DLGAP1: variants seen among roughly 807,000 people sequenced by gnomAD.
DLGAP1 encodes DLG associated protein 1, also known as disks large-associated protein 1.
DLGAP1 carries 11 observed loss-of-function variants against 90.8 expected under a neutral mutation model. The observed-to-expected ratio is 0.12, with a 90% CI of 0.08 to 0.20. The LOEUF is 0.20. DLGAP1 is among the 10% of genes least tolerant of loss of function. DLGAP1 has a pLI of 1.00. For missense variants in DLGAP1, 1,050 were observed against 1,333.8 expected (o/e 0.79, Z 3.31); for synonymous variants, 558 against 540.7 (o/e 1.03, Z -0.44).
chr18:3,992,562 C>T (rs1231558848), intron 3 of DLGAP1, among the ~76,000 whole-genome samples: 1 of 152,114 alleles, frequency 6.6e-6, no homozygotes, highest in Non-Finnish European at 1.5e-5. Flanking sequence ...ACTGTGGTCT[C>T]AGCTAACTGG....
chr18:4,223,096 GAAAAT>G (rs961607431), intron 1 of DLGAP1, among the ~76,000 whole-genome samples: 2 of 151,844 alleles, frequency 1.3e-5, no homozygotes, highest in African/African-American at 4.8e-5. Context: ...GTCTCTCTAA[GAAAAT>G]AAAATAAAAT....
intron 7 of DLGAP1, among the ~76,000 whole-genome samples, chr18:3,586,115 G>C (rs922279337): frequency 1.6e-4 from 25 of 152,164 alleles, no homozygotes; most frequent in African/African-American, 6.0e-4. Context: ...CATCTACCAT[G>C]GTTAGACTGG....
At chr18:3,740,757 C>A (rs559877817) in intron 6 of DLGAP1, among the ~76,000 whole-genome samples, 25 of 150,778 alleles carry the variant, frequency 1.7e-4, no homozygotes, top group African/African-American at 5.8e-4. Context: ...ACCACCACCA[C>A]TGTCACCATC....
rs1186426563 is a variant in DLGAP1, at chr18:3,720,888, C to CAAAAAAAAAAAAA, written c.1591+8234_1591+8246dup. Among the ~76,000 whole-genome samples the CAAAAAAAAAAAAA allele has an allele frequency of 2.5e-3, 126 of 50,296 alleles. 9 individuals are homozygous for CAAAAAAAAAAAAA. The highest frequency in any genetic ancestry group is 5.0e-3 in the African/African-American group (62 of 12,490). The allele number at this position is 50,296 out of a possible 152,430, so 33.0% of individuals were successfully genotyped here. On this transcript the variant is annotated intron_variant, in intron 7 of 12. Transcript: ENST00000315677. ...GCAACATACTAAGACCTTGTCTCTACAAAAAAAAAAAAAAAAAAAAATTAG... is the reference window on the plus strand; with the variant it reads ...GCAACATACTAAGACCTTGTCTCTACAAAAAAAAAAAAAAAAAAAAAAAAAAAAAAAAAATTAG...
chr18:3,912,351 T>C (rs187364875), intron 3 of DLGAP1, among the ~76,000 whole-genome samples: 6 of 152,260 alleles, frequency 3.9e-5, no homozygotes, highest in Admixed American at 3.9e-4. Flanking sequence ...CTCTTTTCTT[T>C]TAGGGTCTCA....
chr18:3,847,851 A>T lies in DLGAP1; in HGVS notation c.957+31261T>A, dbSNP rs148248896. On this transcript the variant is annotated intron_variant, in intron 4 of 12. Coordinates refer to ENST00000315677, the MANE Select transcript of DLGAP1 (RefSeq NM_004746.4). ...AGCCCAGAATGAAATGAGGTTTGTG[A>T]ATTTTAAAAAGAGACAAGGGCCAGG... is the stretch of plus-strand genomic sequence containing the variant. 4.4e-3 allele frequency among the ~76,000 whole-genome samples: 671 copies of T among 152,250 alleles called. 9 individuals are homozygous for T. The highest frequency in any genetic ancestry group is 0.014 in the African/African-American group (591 of 41,528).
At chr18:3,753,146 G>C (rs942481507) in intron 5 of DLGAP1, among the ~76,000 whole-genome samples, 3 of 152,148 alleles carry the variant, frequency 2.0e-5, no homozygotes, top group Non-Finnish European at 2.9e-5. Flanking sequence ...AACCATTCCT[G>C]AACTAAGTAA....
chr18:3,816,990 A>C (rs2067139243), intron 4 of DLGAP1, among the ~76,000 whole-genome samples: 1 of 152,366 alleles, frequency 6.6e-6, no homozygotes, highest in African/African-American at 2.4e-5. Context: ...ATTTCTCAGG[A>C]AATTATAAAT....
intron 1 of DLGAP1, among the ~76,000 whole-genome samples, chr18:4,239,548 T>C (rs971022427): frequency 1.3e-5 from 2 of 152,176 alleles, no homozygotes; most frequent in Non-Finnish European, 2.9e-5. Flanking sequence ...TTTTTTCGTA[T>C]GGAAGTGGTA....
chr18:4,109,697 C>A (rs1006295658), intron 2 of DLGAP1, among the ~76,000 whole-genome samples: 3 of 152,112 alleles, frequency 2.0e-5, no homozygotes, highest in African/African-American at 7.2e-5. Context: ...AGGACTCCAG[C>A]CTATACCAAG....
At position 3,670,108 on chromosome 18, in the gene DLGAP1, A is replaced by C. The variant is rs921967439; in HGVS notation, c.1591+59027T>G. On this transcript the variant is annotated intron_variant, in intron 7 of 12. Transcript: ENST00000315677. ...GTATATTGTTTTACAACAAAACAAA[A>C]CAAAACAAACCCCTAAAAATTGTAT... Among the ~76,000 whole-genome samples the C allele has an allele frequency of 7.9e-5, 12 of 152,216 alleles. 1 individual carries two copies. The highest frequency in any genetic ancestry group is 7.9e-4 in the Admixed American group (12 of 15,286).
intron 12 of DLGAP1, among the ~76,000 whole-genome samples, chr18:3,501,424 A>G (rs1598949342): frequency 6.6e-6 from 1 of 152,344 alleles, no homozygotes; most frequent in East Asian, 1.9e-4. Context: ...GTACATCAAC[A>G]GTACTTTCCA....
At chr18:4,053,094 A>G (rs890354271) in intron 2 of DLGAP1, among the ~76,000 whole-genome samples, 2 of 152,082 alleles carry the variant, frequency 1.3e-5, no homozygotes, top group South Asian at 4.1e-4. Flanking sequence ...TCGCTTCCAC[A>G]TTTTCAAGTA....
chr18:4,100,375 A>G (rs1336781702), intron 2 of DLGAP1, among the ~76,000 whole-genome samples: 1 of 152,222 alleles, frequency 6.6e-6, no homozygotes, highest in Non-Finnish European at 1.5e-5. Flanking sequence ...TCTTCTGAGC[A>G]GTAGGTCTCA....
intron 4 of DLGAP1, among the ~76,000 whole-genome samples, chr18:3,822,981 A>G (rs1303175947): frequency 6.6e-6 from 1 of 152,324 alleles, no homozygotes; most frequent in East Asian, 1.9e-4. Context: ...CAAGATATTA[A>G]GATTCTAGTA....
intron 3 of DLGAP1, among the ~76,000 whole-genome samples, chr18:3,997,682 C>T (rs764513675): frequency 1.1e-4 from 17 of 151,396 alleles, no homozygotes; most frequent in Non-Finnish European, 2.5e-4. Context: ...TTAAAATACA[C>T]ATTTAAAAAA....
chr18:4,238,990 A>G (rs1267498837), intron 1 of DLGAP1, among the ~76,000 whole-genome samples: 1 of 152,230 alleles, frequency 6.6e-6, no homozygotes, highest in Non-Finnish European at 1.5e-5. Context: ...TGAGAACTAT[A>G]ACTCAGATCA....
chr18:4,016,668 A>T (rs957922872), intron 2 of DLGAP1, among the ~76,000 whole-genome samples: 17 of 86,666 alleles, frequency 2.0e-4, no homozygotes, highest in Non-Finnish European at 1.9e-4. Flanking sequence ...TCCTTGAATT[A>T]AAAAAAATCT....
intron 7 of DLGAP1, among the ~76,000 whole-genome samples, chr18:3,620,292 G>A (rs1427322666): frequency 6.6e-6 from 1 of 152,052 alleles, no homozygotes; most frequent in African/African-American, 2.4e-5. Context: ...TGGCTTTGCA[G>A]ATGGAGGAAG....
Sources: gnomAD v4.1 joint callset for allele counts (sites outside exome capture counted in the v4.1 genomes callset) on GRCh38, gnomAD v4.1.1 for gene constraint, MANE v1.5 for transcripts, NCBI Gene and HGNC (gene_info 2026-07-23, HGNC 2026-07-21) for gene names.